Variants in DAAM1 observed in about 807,000 individuals in gnomAD.
DAAM1 encodes dishevelled associated activator of morphogenesis 1.
Under a neutral mutation model 130.0 loss-of-function variants are expected in DAAM1, and 52 were observed. The observed-to-expected ratio is 0.40, with a 90% confidence interval of 0.32 to 0.50. The LOEUF is 0.50. Ranked by LOEUF, DAAM1 falls within the 20% of genes least tolerant of loss-of-function variation. The pLI is 0.61. For synonymous variants in DAAM1, 452 were observed against 444.5 expected, an observed-to-expected ratio of 1.02 and a Z score of -0.21; for missense variants, 1,134 against 1,303.8, an observed-to-expected ratio of 0.87 and a Z score of 2.01.
intron 1 of DAAM1, among the ~76,000 whole-genome samples, chr14:59,249,062 C>T: frequency 6.6e-6 from 1 of 152,202 alleles, no homozygotes; most frequent in East Asian, 1.9e-4. Flanking sequence ...GCTGGGATTA[C>T]AGGCGTGAGC....
intron 17 of DAAM1, among the ~76,000 whole-genome samples, chr14:59,348,967 A>G (rs932643866): frequency 3.2e-4 from 48 of 152,366 alleles, no homozygotes; most frequent in African/African-American, 1.1e-3. Context: ...GTTAATGATT[A>G]TGTTCTCAAG....
At chr14:59,236,418 A>C (rs967687355) in intron 1 of DAAM1, among the ~76,000 whole-genome samples, 1 of 152,092 alleles carries the variant, frequency 6.6e-6, no homozygotes, top group Non-Finnish European at 1.5e-5. Flanking sequence ...CTTCAAGTAC[A>C]TTCGCCGCCT....
chr14:59,339,996 C>A, intron 15 of DAAM1, 78 bp from the exon 16 acceptor site: 1 of 1,289,500 alleles, frequency 7.8e-7, no homozygotes, highest in Non-Finnish European at 1.1e-6. Flanking sequence ...ATATGAACAA[C>A]AATGTAAAGG....
chr14:59,266,074 A>C (rs1882424228), intron 2 of DAAM1: 1 of 152,126 alleles, frequency 6.6e-6, no homozygotes, highest in African/African-American at 2.4e-5. Context: ...GCAATCAAGA[A>C]GGGCAATAAT....
intron 1 of DAAM1, among the ~76,000 whole-genome samples, chr14:59,248,002 T>C (rs915468776): frequency 6.6e-6 from 1 of 152,240 alleles, no homozygotes; most frequent in African/African-American, 2.4e-5. Flanking sequence ...ATTTAGCCAC[T>C]GATGACTTTT....
intron 1 of DAAM1, among the ~76,000 whole-genome samples, chr14:59,260,208 A>G (rs1033011204): frequency 4.1e-4 from 63 of 152,298 alleles, no homozygotes; most frequent in African/African-American, 1.5e-3. Context: ...TGATAGGAAC[A>G]TTTTTGCATA....
intron 1 of DAAM1, among the ~76,000 whole-genome samples, chr14:59,199,406 C>T (rs1425279126): frequency 2.0e-5 from 3 of 152,164 alleles, no homozygotes; most frequent in Non-Finnish European, 2.9e-5. Context: ...CTGATCACCA[C>T]TTTAAACTGG....
At chr14:59,291,934 C>T (rs950908116) in intron 3 of DAAM1, among the ~76,000 whole-genome samples, 1 of 152,142 alleles carries the variant, frequency 6.6e-6, no homozygotes, top group African/African-American at 2.4e-5. Context: ...GTTCTATTAC[C>T]TCAAGAGATG....
chr14:59,304,285 A>G (rs1594810732), intron 3 of DAAM1, among the ~76,000 whole-genome samples: 1 of 152,250 alleles, frequency 6.6e-6, no homozygotes, highest in East Asian at 1.9e-4. Flanking sequence ...TTTTTCACTA[A>G]TAGCTCCAGC....
chr14:59,276,859 C>T (rs541584666), intron 2 of DAAM1, among the ~76,000 whole-genome samples: 8 of 152,278 alleles, frequency 5.3e-5, no homozygotes, highest in Non-Finnish European at 1.0e-4. Flanking sequence ...CCTCAAGGGC[C>T]TGTCTTAGCT....
At chr14:59,192,503 A>G (rs1475191550) in intron 1 of DAAM1, among the ~76,000 whole-genome samples, 1 of 152,130 alleles carries the variant, frequency 6.6e-6, no homozygotes, top group Non-Finnish European at 1.5e-5. Flanking sequence ...GTGCTCTGGT[A>G]TTTCCAGTGT....
At chr14:59,287,249 A>C (rs1883503995) in intron 2 of DAAM1, among the ~76,000 whole-genome samples, 1 of 152,148 alleles carries the variant, frequency 6.6e-6, no homozygotes, top group Admixed American at 6.5e-5. Flanking sequence ...GTTAAAAAAA[A>C]TCTTCAACAA....
chr14:59,295,497 A>G (rs904618587), intron 3 of DAAM1, among the ~76,000 whole-genome samples: 1 of 152,194 alleles, frequency 6.6e-6, no homozygotes, highest in Admixed American at 6.5e-5. Flanking sequence ...TCTTCCCCAC[A>G]AAAAGAAATT....
chr14:59,344,605 C>A (rs531883549), intron 16 of DAAM1, among the ~76,000 whole-genome samples: 1 of 152,246 alleles, frequency 6.6e-6, no homozygotes, highest in African/African-American at 2.4e-5. Flanking sequence ...TCCAACAGGA[C>A]GCGTGCATAG....
At chr14:59,347,746 A>C in intron 17 of DAAM1, 123 bp downstream of exon 17, 1 of 885,848 alleles carries the variant, frequency 1.1e-6, no homozygotes, top group Non-Finnish European at 1.8e-6. Context: ...AGGAGGCTGA[A>C]CCAAGTTCCC....
At chr14:59,225,916 A>G (rs1888927353) in intron 1 of DAAM1, among the ~76,000 whole-genome samples, 1 of 148,776 alleles carries the variant, frequency 6.7e-6, no homozygotes, top group African/African-American at 2.6e-5. Context: ...ATGTATATCT[A>G]TGAATTGATA....
At chr14:59,262,166 T>C (rs1017346800) in intron 1 of DAAM1, among the ~76,000 whole-genome samples, 3 of 152,246 alleles carry the variant, frequency 2.0e-5, no homozygotes, top group African/African-American at 2.4e-5. Flanking sequence ...ACATTTTTTT[T>C]CTTGCCTTTT....
At chr14:59,357,856 T>G (rs1445205967) in intron 20 of DAAM1, among the ~76,000 whole-genome samples, 1 of 152,142 alleles carries the variant, frequency 6.6e-6, no homozygotes, top group Non-Finnish European at 1.5e-5. Flanking sequence ...TTGGCCACTG[T>G]TTTGCTTTGG....
At chr14:59,195,206 C>T (rs1454400718) in intron 1 of DAAM1, among the ~76,000 whole-genome samples, 9 of 139,522 alleles carry the variant, frequency 6.5e-5, no homozygotes, top group Non-Finnish European at 3.0e-5. Context: ...TGCAGTGGTG[C>T]GATCTCAGCT....
Sources: allele counts gnomAD v4.1 joint callset (sites outside exome capture counted in the v4.1 genomes callset), GRCh38; gene constraint gnomAD v4.1.1; transcripts MANE v1.5; gene names NCBI Gene and HGNC (gene_info 2026-07-23, HGNC 2026-07-21).